The following MAGT1 variants were observed in gnomAD, a reference collection of about 807,000 sequenced individuals.
MAGT1 encodes magnesium transporter 1.
MAGT1 carries 4 observed loss-of-function variants against 28.4 expected under a neutral mutation model. The ratio of observed to expected loss-of-function variants is 0.14; its 90% CI spans 0.07 to 0.32. The LOEUF is 0.32. MAGT1 is among the 10% of genes least tolerant of loss of function. The pLI is 1.00. For synonymous variants in MAGT1, 89 were observed against 89.7 expected (o/e 0.99, Z 0.04); for missense variants, 193 against 264.5 (o/e 0.73, Z 1.88).
At chrX:77,883,221 G>C (rs1401494343) in intron 1 of MAGT1, among the ~76,000 whole-genome samples, 4 of 104,955 alleles carry the variant, frequency 3.8e-5, no homozygotes, top group Admixed American at 3.3e-4. Flanking sequence ...ACGTGTGCAT[G>C]TGTCTTTATA....
At position 77,828,980 on chromosome X, in the gene MAGT1, C is replaced by T; in HGVS notation, c.*240G>A. On this transcript the variant is annotated 3_prime_UTR_variant, in exon 10 of 10. Transcript: ENST00000618282. ...CTTAATTGTACTAAATTAAATGTTCCATAAAGTTCACTGGGAAGAGAAGGT... is the reference window on the plus strand; with the variant it reads ...CTTAATTGTACTAAATTAAATGTTCTATAAAGTTCACTGGGAAGAGAAGGT... 2.3e-5 allele frequency: 7 copies of T among 301,574 alleles called. No homozygotes were observed. The highest frequency in any genetic ancestry group is 1.5e-4 in the South Asian group (2 of 13,296). The allele number at this position is 301,574 out of a possible 1,213,427, so 24.9% of individuals were successfully genotyped here. A position where few individuals can be genotyped will look rare whatever the true frequency, so the allele number is the denominator to read the frequency against.
intron 3 of MAGT1, among the ~76,000 whole-genome samples, chrX:77,863,376 G>T (rs1190126396): frequency 9.2e-6 from 1 of 108,489 alleles, no homozygotes; most frequent in African/African-American, 3.4e-5. Flanking sequence ...TTAGCCGGGC[G>T]TGGTGGTGTG....
chrX:77,851,707 G>A (rs1037743846), intron 7 of MAGT1, among the ~76,000 whole-genome samples: 2 of 109,784 alleles, frequency 1.8e-5, no homozygotes, highest in Non-Finnish European at 3.8e-5. Flanking sequence ...GGTAGAGACA[G>A]ACTTTCCCCA....
chrX:77,838,031 C>T (rs1206595784), intron 8 of MAGT1, among the ~76,000 whole-genome samples: 9 of 112,170 alleles, frequency 8.0e-5, no homozygotes, highest in South Asian at 3.7e-4. Flanking sequence ...TGAGTCACCA[C>T]GCCTGGTTGA....
intron 7 of MAGT1, among the ~76,000 whole-genome samples, chrX:77,846,127 C>T (rs1557214895): frequency 9.0e-6 from 1 of 111,126 alleles, no homozygotes; most frequent in Non-Finnish European, 1.9e-5. Context: ...AGGCTTTGTT[C>T]GTTTCTTTTT....
chrX:77,866,917 C>G (rs1234832982), intron 3 of MAGT1, among the ~76,000 whole-genome samples: 1 of 65,492 alleles, frequency 1.5e-5, no homozygotes, highest in African/African-American at 3.5e-5. Flanking sequence ...ACTGGCTCAT[C>G]TGATCTTGTG....
chrX:77,863,744 G>A (rs782466113), intron 3 of MAGT1, among the ~76,000 whole-genome samples: 10 of 112,109 alleles, frequency 8.9e-5, no homozygotes, highest in Non-Finnish European at 1.9e-4. Flanking sequence ...TAGGCCAGGC[G>A]CAGTGGCTTG....
chrX:77,846,167 C>T (rs1007904344), intron 7 of MAGT1, among the ~76,000 whole-genome samples: 3 of 111,454 alleles, frequency 2.7e-5, no homozygotes, highest in Non-Finnish European at 3.8e-5. Flanking sequence ...TCTCTTCTTG[C>T]TTCATTTCAT....
intron 4 of MAGT1, 94 bp downstream of exon 4, chrX:77,857,263 C>T: frequency 9.3e-7 from 1 of 1,070,778 alleles, no homozygotes; most frequent in Non-Finnish European, 1.3e-6. Flanking sequence ...CTAGTACCAC[C>T]TCAGTGATAT....
intron 8 of MAGT1, 67 bp from the exon 9 acceptor site, chrX:77,830,962 ACTTT>A (rs1290725386): frequency 2.7e-6 from 1 of 375,569 alleles, no homozygotes; most frequent in Non-Finnish European, 4.3e-6. Context: ...GGCAGTCTAT[ACTTT>A]CTTTTTTTAT....
chrX:77,882,507 A>G (rs1228221194), intron 1 of MAGT1, among the ~76,000 whole-genome samples: 1 of 111,806 alleles, frequency 8.9e-6, no homozygotes, highest in African/African-American at 3.2e-5. Context: ...ACAAGTGTGA[A>G]GCAGTAACAG....
At chrX:77,854,511 C>T (rs1471380088) in intron 6 of MAGT1, among the ~76,000 whole-genome samples, 4 of 110,575 alleles carry the variant, frequency 3.6e-5, no homozygotes, top group Non-Finnish European at 7.6e-5. Context: ...GTTGTTTTTT[C>T]TTTTCTTTTT....
At chrX:77,875,862 C>T (rs181622912) in intron 1 of MAGT1, among the ~76,000 whole-genome samples, 36 of 110,040 alleles carry the variant, frequency 3.3e-4, no homozygotes, top group East Asian at 2.0e-3. Flanking sequence ...GACACTGTCT[C>T]GCTCTGTCAT....
intron 4 of MAGT1, 109 bp from the exon 5 acceptor site, chrX:77,856,982 C>T (rs914063828): frequency 2.5e-5 from 18 of 716,581 alleles, no homozygotes; most frequent in South Asian, 5.2e-5. Context: ...TGGTTACTTT[C>T]GGAAAAATGA....
At chrX:77,888,969 ATAT>A (rs781911390) in intron 1 of MAGT1, among the ~76,000 whole-genome samples, 9 of 107,891 alleles carry the variant, frequency 8.3e-5, no homozygotes, top group African/African-American at 1.7e-4. Flanking sequence ...CAACTACATT[ATAT>A]TATTATTATT....
At chrX:77,849,577 T>A (rs1462943095) in intron 7 of MAGT1, among the ~76,000 whole-genome samples, 2 of 110,580 alleles carry the variant, frequency 1.8e-5, no homozygotes, top group Non-Finnish European at 3.8e-5. Flanking sequence ...TCTGTGAAAA[T>A]TCATCAAACT....
intron 1 of MAGT1, among the ~76,000 whole-genome samples, chrX:77,877,013 C>CAAAAAAAAAAA (rs782800456): frequency 9.4e-5 from 1 of 10,641 alleles, no homozygotes; most frequent in Non-Finnish European, 1.9e-4. Flanking sequence ...AACTCCATCT[C>CAAAAAAAAAAA]AAAAAAAAAA....
At chrX:77,883,738 C>T (rs921409094) in intron 1 of MAGT1, among the ~76,000 whole-genome samples, 6 of 107,050 alleles carry the variant, frequency 5.6e-5, no homozygotes, top group Admixed American at 2.1e-4. Flanking sequence ...TTTGTAGAGA[C>T]GGGGTTTTGC....
Position 77,888,745 on chromosome X carries a change from C to T in MAGT1, c.102+6564G>A, listed in dbSNP as rs144556393. The stretch of plus-strand genomic sequence containing the variant: ...AGCTAAGTATTACCAGTCTGAATTC[C>T]TCTAAAATGCAACTTTCCCCAAAAG... On this transcript the variant is annotated intron_variant, in intron 1 of 9. Transcript: ENST00000618282. 6.0e-3 allele frequency among the ~76,000 whole-genome samples: 661 copies of T among 110,591 alleles called. 3 individuals carry two copies. Among genetic ancestry groups the T allele is most frequent in the African/African-American group, 0.02 (622 of 30,513 alleles).
Sources: gnomAD v4.1 joint callset for allele counts (sites outside exome capture counted in the v4.1 genomes callset) on GRCh38, gnomAD v4.1.1 for gene constraint, MANE v1.5 for transcripts, NCBI Gene and HGNC (gene_info 2026-07-23, HGNC 2026-07-21) for gene names.